The following KLF8 variants were observed in gnomAD, a reference collection of about 807,000 sequenced individuals.
The protein encoded by KLF8 is KLF transcription factor 8, also known as Krueppel-like factor 8.
Under a neutral mutation model 18.2 loss-of-function variants are expected in KLF8, and 10 were observed. The ratio of observed to expected loss-of-function variants is 0.55; its 90% CI spans 0.34 to 0.93. The LOEUF is 0.93. Ranked by LOEUF, KLF8 falls within the 40% of genes least tolerant of loss-of-function variation. The probability of loss-of-function intolerance (pLI) is 0.02; values close to 1 mark genes in which losing one functional copy is unlikely to be tolerated. For missense variants in KLF8, 264 were observed against 277.9 expected (o/e 0.95, Z 0.36); for synonymous variants, 109 against 97.3 (o/e 1.12, Z -0.71).
chrX:56,174,234 G>A, the KLF8 span, among the ~76,000 whole-genome samples: 2 of 111,824 alleles, frequency 1.8e-5, no homozygotes, highest in East Asian at 2.8e-4. Context: ...CTGTGGGTTT[G>A]TCATAGATAG....
chrX:56,150,518 G>A, the KLF8 span, among the ~76,000 whole-genome samples: 1 of 111,767 alleles, frequency 8.9e-6, no homozygotes, highest in Non-Finnish European at 1.9e-5. Flanking sequence ...TGTGTATTTT[G>A]TCAAATGAGT....
the KLF8 span, among the ~76,000 whole-genome samples, chrX:56,121,914 A>G: frequency 8.9e-6 from 1 of 112,422 alleles, no homozygotes; most frequent in South Asian, 3.7e-4. Flanking sequence ...GTAGATACTC[A>G]ATAAACATTT....
At chrX:56,040,472 A>G in the KLF8 span, among the ~76,000 whole-genome samples, 1 of 107,899 alleles carries the variant, frequency 9.3e-6, no homozygotes, top group Admixed American at 9.6e-5. Context: ...ATCTGCATCT[A>G]TTTATATAAT....
At chrX:56,209,000 T>C in the KLF8 span, among the ~76,000 whole-genome samples, 1 of 112,019 alleles carries the variant, frequency 8.9e-6, no homozygotes, top group Admixed American at 9.5e-5. Context: ...GCAGATTAAG[T>C]CTGCTGTTTC....
chrX:55,956,771 G>A, the KLF8 span, among the ~76,000 whole-genome samples: 1 of 111,435 alleles, frequency 9.0e-6, no homozygotes, highest in Non-Finnish European at 1.9e-5. Flanking sequence ...CTGAGTTGCA[G>A]GAATTTTTTA....
At chrX:56,010,682 G>A in the KLF8 span, among the ~76,000 whole-genome samples, 1 of 112,009 alleles carries the variant, frequency 8.9e-6, no homozygotes, top group African/African-American at 3.2e-5. Flanking sequence ...TGGATAAAGA[G>A]TCAAGACCCA....
the KLF8 span, among the ~76,000 whole-genome samples, chrX:55,947,045 T>G: frequency 9.0e-5 from 10 of 111,537 alleles, no homozygotes; most frequent in African/African-American, 1.6e-4. Context: ...GGTGGGACTG[T>G]AAACTAGTTC....
the KLF8 span, among the ~76,000 whole-genome samples, chrX:56,103,250 A>G: frequency 1.3e-4 from 14 of 110,708 alleles, no homozygotes; most frequent in Non-Finnish European, 2.5e-4. Context: ...CTGTGAAGAA[A>G]GTCATTGGTA....
chrX:56,217,874 G>A, the KLF8 span, among the ~76,000 whole-genome samples: 6 of 111,660 alleles, frequency 5.4e-5, no homozygotes, highest in Non-Finnish European at 9.4e-5. Context: ...CCCTGAAGAA[G>A]GACGAGTGGT....
At chrX:55,942,396 A>C in the KLF8 span, among the ~76,000 whole-genome samples, 1 of 110,519 alleles carries the variant, frequency 9.0e-6, no homozygotes, top group African/African-American at 3.3e-5. Context: ...GTGGAATAGC[A>C]TTAGGAGATA....
chrX:56,259,378 T>G (rs780213581), intron 2 of KLF8, among the ~76,000 whole-genome samples: 1 of 111,072 alleles, frequency 9.0e-6, no homozygotes, highest in African/African-American at 3.3e-5. Flanking sequence ...GCTCATACCT[T>G]TCTTTTTTTT....
At chrX:56,128,493 G>T in the KLF8 span, among the ~76,000 whole-genome samples, 1 of 111,430 alleles carries the variant, frequency 9.0e-6, no homozygotes, top group South Asian at 3.8e-4. Flanking sequence ...GAATACCTTT[G>T]CTTGTCAACA....
At chrX:56,202,691 C>G in the KLF8 span, among the ~76,000 whole-genome samples, 1 of 109,416 alleles carries the variant, frequency 9.1e-6, no homozygotes. Context: ...TAATGTTTGT[C>G]TTTCTGTGCC....
At chrX:56,173,723 A>G in the KLF8 span, among the ~76,000 whole-genome samples, 3 of 111,660 alleles carry the variant, frequency 2.7e-5, no homozygotes, top group African/African-American at 6.5e-5. Context: ...GATTCTTCCT[A>G]CCCATGAGCA....
rs1274299131 is a variant in KLF8 at position 56,269,389 on chromosome X, C to T, written c.658C>T (p.Pro220Ser). The change falls in exon 4 of 6, where the codon CCC becomes TCC. Residue 220 changes from proline to serine, a missense_variant. Pro to Ser is a moderately conservative substitution (Grantham distance 74). Coordinates refer to ENST00000468660, the MANE Select transcript of KLF8 (RefSeq NM_007250.5). Reference protein sequence around the residue: ...GKNAGSVKVDPTSMSPLEIPS... With the variant: ...GKNAGSVKVDSTSMSPLEIPS... ...TTCTTTGCTTTTAGTGAAAGTTGAC[C>T]CCACCTCCATGTCTCCACTGGAAAT... The T allele has an allele frequency of 4.2e-6, 5 of 1,204,659 alleles. No homozygotes were observed. Among genetic ancestry groups the T allele is most frequent in the Non-Finnish European group, 5.6e-6 (5 of 892,940 alleles).
the KLF8 span, among the ~76,000 whole-genome samples, chrX:55,994,582 C>G: frequency 5.3e-4 from 59 of 110,625 alleles, no homozygotes; most frequent in South Asian, 0.022. Flanking sequence ...TCTCTCATCA[C>G]TGCTTTAGCT....
the KLF8 span, among the ~76,000 whole-genome samples, chrX:55,945,344 G>T: frequency 9.0e-6 from 1 of 111,166 alleles, no homozygotes; most frequent in Non-Finnish European, 1.9e-5. Context: ...ATGCCTATTA[G>T]GTCCACTTGG....
the KLF8 span, among the ~76,000 whole-genome samples, chrX:55,966,136 G>A: frequency 1.8e-5 from 2 of 112,402 alleles, no homozygotes; most frequent in South Asian, 7.4e-4. Context: ...GTACCAGTTA[G>A]ATCTCTAAGG....
intron 3 of KLF8, chrX:56,268,699 C>T: frequency 1.3e-6 from 1 of 781,846 alleles, no homozygotes; most frequent in Non-Finnish European, 1.5e-6. Context: ...CTTATCACCA[C>T]CCCCAAGTTT....
Sources: allele counts gnomAD v4.1 joint callset (sites outside exome capture counted in the v4.1 genomes callset), GRCh38; gene constraint gnomAD v4.1.1; transcripts MANE v1.5; gene names NCBI Gene and HGNC (gene_info 2026-07-23, HGNC 2026-07-21).